MAP6D1: variants seen among roughly 807,000 people sequenced by gnomAD.
MAP6D1 encodes the protein MAP6 domain containing 1.
MAP6D1 carries 13 observed loss-of-function variants against 17.4 expected under a neutral mutation model. The ratio of observed to expected loss-of-function variants is 0.75; its 90% CI spans 0.49 to 1.19. The LOEUF (loss-of-function observed/expected upper bound fraction) is 1.19. MAP6D1 is among the 50% of genes most tolerant of loss of function. MAP6D1 has a pLI of 0.00. For missense variants in MAP6D1, 313 were observed against 312.6 expected, an observed-to-expected ratio of 1.00 and a Z score of -0.01; for synonymous variants, 141 against 145.7, an observed-to-expected ratio of 0.97 and a Z score of 0.23.
At chr3:183,824,403 A>C (rs1211712813) in intron 1 of MAP6D1, among the ~76,000 whole-genome samples, 1 of 152,238 alleles carries the variant, frequency 6.6e-6, no homozygotes, top group Non-Finnish European at 1.5e-5. Flanking sequence ...AGACTTCTAC[A>C]ACTGGTGAAA....
chr3:183,825,280 C>G lies in MAP6D1; in HGVS notation c.268G>C (p.Gly90Arg). The G allele has an allele frequency of 7.5e-7, 1 of 1,337,768 alleles. No individual in the cohort carries two copies. The highest frequency in any genetic ancestry group is 9.6e-7 in the Non-Finnish European group (1 of 1,046,178). The allele number at this position is 1,337,768 out of a possible 1,614,324, so 82.9% of individuals were successfully genotyped here. A position where few individuals can be genotyped will look rare whatever the true frequency, so the allele number is the denominator to read the frequency against. The change falls in exon 1 of 3, where the codon GGA becomes CGA. Residue 90 changes from glycine to arginine, a missense_variant. Transcript: ENST00000318631. ...AGPKDPPPGR[G>R]PGAGGRRGKS... ...CCCCTGCGGCCGCCCGCCCCCGGTC[C>G]GCGCCCCGGCGGCGGATCCTTGGGC...
Position 183,821,942 on chromosome 3 carries a change from T to A in MAP6D1, c.401+3205A>T, listed in dbSNP as rs140748252. ...TCCCAAAATGCTGGGATTACAGGTG[T>A]GAGCCACTGCGACCGGCCTCTTTTT... On this transcript the variant is annotated intron_variant, in intron 1 of 2. Coordinates refer to ENST00000318631, the MANE Select transcript of MAP6D1 (RefSeq NM_024871.4). Among the ~76,000 whole-genome samples the A allele has an allele frequency of 9.0e-3, 1,373 of 152,180 alleles. 12 individuals are homozygous for A. Among genetic ancestry groups the A allele is most frequent in the Middle Eastern group, 0.044 (13 of 294 alleles).
chr3:183,825,346 G>C lies in MAP6D1; in HGVS notation c.202C>G (p.Gln68Glu). Reference protein sequence around the residue: ...RDSGRDVPLTQYQRDFGLWTT... With the variant: ...RDSGRDVPLTEYQRDFGLWTT... The stretch of plus-strand genomic sequence containing the variant: ...CACAAGCCGAAGTCCCGCTGGTACT[G>C]AGTGAGCGGCACGTCCCGGCCGGAA... The change falls in exon 1 of 3, where the codon CAG becomes GAG. Residue 68 changes from glutamine (Q) to glutamate (E), a missense_variant. By Grantham distance (29) the Gln-to-Glu change is conservative. Coordinates refer to ENST00000318631, the MANE Select transcript of MAP6D1 (RefSeq NM_024871.4). 1.4e-6 allele frequency: 2 copies of C among 1,437,108 alleles called. No homozygotes were observed. Among genetic ancestry groups the C allele is most frequent in the Non-Finnish European group, 1.8e-6 (2 of 1,096,068 alleles). 89.0% of individuals were successfully genotyped at this position (1,437,108 alleles called of 1,614,324 possible). A position where few individuals can be genotyped will look rare whatever the true frequency, so the allele number is the denominator to read the frequency against.
chr3:183,820,799 CG>C (rs1415543512), intron 1 of MAP6D1, among the ~76,000 whole-genome samples: 2 of 151,930 alleles, frequency 1.3e-5, no homozygotes, highest in African/African-American at 4.8e-5. Flanking sequence ...CCCAGCTACT[CG>C]GGAGGCTGAG....
chr3:183,818,165 G>A (rs896568115), intron 1 of MAP6D1, 54 bp from the exon 2 acceptor site: 30 of 1,447,642 alleles, frequency 2.1e-5, no homozygotes, highest in African/African-American at 4.2e-5. Flanking sequence ...CCCCTTTACC[G>A]ACTCCCCAGG....
chr3:183,818,460 A>G (rs1488831011), intron 1 of MAP6D1, among the ~76,000 whole-genome samples: 1 of 152,196 alleles, frequency 6.6e-6, no homozygotes, highest in African/African-American at 2.4e-5. Context: ...GGTCTCATTC[A>G]GAACGCAACA....
At chr3:183,817,801 G>A (rs1436812537) in intron 2 of MAP6D1, among the ~76,000 whole-genome samples, 193 bp downstream of exon 2, 1 of 152,220 alleles carries the variant, frequency 6.6e-6, no homozygotes, top group Non-Finnish European at 1.5e-5. Context: ...GCTCACCAGA[G>A]AGGCCAACGC....
chr3:183,821,795 TG>T (rs1299012850), intron 1 of MAP6D1, among the ~76,000 whole-genome samples: 1 of 152,020 alleles, frequency 6.6e-6, no homozygotes, highest in Non-Finnish European at 1.5e-5. Context: ...CCCAAAGTGC[TG>T]GGGTTATAGG....
rs534526369 is a variant in MAP6D1, at chr3:183,825,536, G to A, written c.12C>T (p.Pro4=). 2.9e-4 allele frequency: 368 copies of A among 1,281,862 alleles called. No homozygotes were observed. Among genetic ancestry groups the A allele is most frequent in the Admixed American group, 5.4e-4 (14 of 25,810 alleles). 79.4% of individuals were successfully genotyped at this position (1,281,862 alleles called of 1,614,324 possible). A position where few individuals can be genotyped will look rare whatever the true frequency, so the allele number is the denominator to read the frequency against. The change falls in exon 1 of 3, where the codon CCC becomes CCT. Residue 4 remains proline (P), a synonymous_variant. Transcript: ENST00000318631. The part of the protein sequence containing the change: MAW[P]CISRLCCLAR... ...CCAGGCAGCACAGGCGGCTGATACA[G>A]GGCCACGCCATGCCAGCCCCGGCGC... is the stretch of plus-strand genomic sequence containing the variant.
intron 1 of MAP6D1, among the ~76,000 whole-genome samples, chr3:183,819,657 C>T (rs1223944502): frequency 6.6e-6 from 1 of 152,250 alleles, no homozygotes; most frequent in Non-Finnish European, 1.5e-5. Flanking sequence ...GCCTCCCTGC[C>T]TGCTGTGCCC....
At chr3:183,824,681 C>A (rs1032559513) in intron 1 of MAP6D1, among the ~76,000 whole-genome samples, 3 of 152,250 alleles carry the variant, frequency 2.0e-5, no homozygotes, top group Non-Finnish European at 4.4e-5. Context: ...GCCCCTGTCA[C>A]AGTGGGACTC....
In MAP6D1 at chr3:183,825,356, C is replaced by A; in HGVS notation, c.192G>T (p.Val64=). 1 of 1,439,756 alleles carries A rather than the reference C, an allele frequency of 6.9e-7. No homozygotes were observed. The highest frequency in any genetic ancestry group is 9.1e-7 in the Non-Finnish European group (1 of 1,097,618). 89.2% of individuals were successfully genotyped at this position (1,439,756 alleles called of 1,614,324 possible). The change falls in exon 1 of 3, where the codon GTG becomes GTT. Residue 64 remains valine, a synonymous_variant. Transcript: ENST00000318631. ...AGTCCCGCTGGTACTGAGTGAGCGGCACGTCCCGGCCGGAATCCCGGGCGC... is the reference window on the plus strand; with the variant it reads ...AGTCCCGCTGGTACTGAGTGAGCGGAACGTCCCGGCCGGAATCCCGGGCGC... The part of the protein sequence containing the change: ...PAGARDSGRD[V]PLTQYQRDFG...
At chr3:183,821,758 G>A (rs919005473) in intron 1 of MAP6D1, among the ~76,000 whole-genome samples, 2 of 151,900 alleles carry the variant, frequency 1.3e-5, no homozygotes, top group African/African-American at 2.4e-5. Context: ...GGCTGGTCTC[G>A]AACTTGGGAT....
intron 1 of MAP6D1, among the ~76,000 whole-genome samples, chr3:183,823,892 T>C (rs1174373982): frequency 6.6e-6 from 1 of 152,188 alleles, no homozygotes; most frequent in African/African-American, 2.4e-5. Context: ...CCCCTGGCAG[T>C]CCCTATCAAG....
At chr3:183,824,324 G>C (rs1727322579) in intron 1 of MAP6D1, among the ~76,000 whole-genome samples, 1 of 152,110 alleles carries the variant, frequency 6.6e-6, no homozygotes, top group Non-Finnish European at 1.5e-5. Flanking sequence ...AGATATAAAG[G>C]CATATCCATA....
intron 1 of MAP6D1, among the ~76,000 whole-genome samples, chr3:183,823,076 C>A (rs1727296166): frequency 6.6e-6 from 1 of 152,206 alleles, no homozygotes; most frequent in Admixed American, 6.5e-5. Context: ...CTCACTGCAG[C>A]CTCGACCTCG....
chr3:183,825,320 C>A lies in MAP6D1; in HGVS notation c.228G>T (p.Trp76Cys). ...LTQYQRDFGL[W>C]TTPAGPKDPP... The stretch of plus-strand genomic sequence containing the variant: ...GATCCTTGGGCCCGGCGGGCGTGGT[C>A]CACAAGCCGAAGTCCCGCTGGTACT... Residue 76 changes from tryptophan to cysteine, a missense_variant, in exon 1 of 3, where the codon TGG (tryptophan) becomes TGT (cysteine). Transcript: ENST00000318631. 1 of 1,368,548 alleles carries A rather than the reference C, an allele frequency of 7.3e-7. No homozygotes were observed. The allele number at this position is 1,368,548 out of a possible 1,614,324, so 84.8% of individuals were successfully genotyped here. A position where few individuals can be genotyped will look rare whatever the true frequency, so the allele number is the denominator to read the frequency against.
chr3:183,822,199 G>C (rs1232899831), intron 1 of MAP6D1, among the ~76,000 whole-genome samples: 1 of 149,894 alleles, frequency 6.7e-6, no homozygotes, highest in African/African-American at 2.5e-5. Flanking sequence ...TTGAGCCCAG[G>C]AATTTGAGAC....
chr3:183,822,728 A>C (rs1727289067), intron 1 of MAP6D1, among the ~76,000 whole-genome samples: 1 of 152,222 alleles, frequency 6.6e-6, no homozygotes, highest in African/African-American at 2.4e-5. Context: ...GGAGTGGGCA[A>C]CACTGAGCCG....
Sources: allele counts gnomAD v4.1 joint callset (sites outside exome capture counted in the v4.1 genomes callset), GRCh38; gene constraint gnomAD v4.1.1; transcripts MANE v1.5; gene names NCBI Gene and HGNC (gene_info 2026-07-23, HGNC 2026-07-21).